The following CNTNAP5 variants were observed in gnomAD, a reference collection of about 807,000 sequenced individuals.
The protein encoded by CNTNAP5 is contactin-associated protein-like 5.
A neutral mutation model predicts 150.2 loss-of-function variants in CNTNAP5; 72 were observed. The observed-to-expected ratio is 0.48, with a 90% CI of 0.40 to 0.58. CNTNAP5 has a LOEUF of 0.58. CNTNAP5 is among the 20% of genes least tolerant of loss of function. The probability of loss-of-function intolerance (pLI) is 0.00; values close to 1 mark genes in which losing one functional copy is unlikely to be tolerated. For synonymous variants in CNTNAP5, 672 were observed against 619.8 expected (o/e 1.08, Z -1.25); for missense variants, 1,636 against 1,626.2 (o/e 1.01, Z -0.10).
At chr2:124,558,397 G>T (rs1489276181) in intron 10 of CNTNAP5, among the ~76,000 whole-genome samples, 1 of 76,440 alleles carries the variant, frequency 1.3e-5, no homozygotes, top group Non-Finnish European at 2.9e-5. Context: ...GGTAAAGCAG[G>T]TGGTGGGGGC....
chr2:124,510,347 C>CT, intron 8 of CNTNAP5, among the ~76,000 whole-genome samples: 2 of 28,542 alleles, frequency 7.0e-5, no homozygotes, highest in African/African-American at 2.9e-4. Context: ...CTCCATATGT[C>CT]AACACACACA....
chr2:124,887,923 T>G (rs918773882), intron 21 of CNTNAP5, among the ~76,000 whole-genome samples: 1 of 152,100 alleles, frequency 6.6e-6, no homozygotes, highest in Non-Finnish European at 1.5e-5. Context: ...ATCAATGATT[T>G]TTTTTAAAGA....
chr2:124,674,528 T>TTCC (rs2105061341), intron 13 of CNTNAP5, among the ~76,000 whole-genome samples: 1 of 138,140 alleles, frequency 7.2e-6, no homozygotes, highest in African/African-American at 2.8e-5. Flanking sequence ...TCTTTCTTTC[T>TTCC]TTCTTTCTTT....
chr2:124,205,287 C>T (rs1685833711), intron 1 of CNTNAP5, among the ~76,000 whole-genome samples: 1 of 152,146 alleles, frequency 6.6e-6, no homozygotes, highest in South Asian at 2.1e-4. Flanking sequence ...GGCATTTCCC[C>T]TGCTTGCACT....
intron 13 of CNTNAP5, among the ~76,000 whole-genome samples, chr2:124,721,524 T>TAAA (rs1680049416): frequency 9.1e-6 from 1 of 110,118 alleles, no homozygotes; most frequent in Non-Finnish European, 2.0e-5. Context: ...TAAATAAATA[T>TAAA]TAAAAAAACA....
intron 10 of CNTNAP5, among the ~76,000 whole-genome samples, chr2:124,544,384 C>A (rs1417470728): frequency 6.6e-6 from 1 of 152,114 alleles, no homozygotes; most frequent in African/African-American, 2.4e-5. Flanking sequence ...AAGAAAGAAG[C>A]CCATTCTGTG....
intron 1 of CNTNAP5, among the ~76,000 whole-genome samples, chr2:124,210,762 T>C (rs1309731828): frequency 1.3e-5 from 2 of 152,228 alleles, no homozygotes; most frequent in East Asian, 3.8e-4. Flanking sequence ...TTTTGATTCC[T>C]ACTGCCTGTA....
chr2:124,773,864 T>C (rs1355796240), intron 17 of CNTNAP5, among the ~76,000 whole-genome samples: 2 of 151,554 alleles, frequency 1.3e-5, no homozygotes, highest in Non-Finnish European at 2.9e-5. Flanking sequence ...TGGCATTTTG[T>C]TTCCCTTGAC....
chr2:124,721,623 A>G (rs906631620), intron 13 of CNTNAP5, among the ~76,000 whole-genome samples: 6 of 152,120 alleles, frequency 3.9e-5, no homozygotes, highest in Non-Finnish European at 8.8e-5. Context: ...GCAGGTTCTG[A>G]AAACAAACCA....
chr2:124,584,489 G>C (rs1005042606), intron 11 of CNTNAP5, among the ~76,000 whole-genome samples: 2 of 152,134 alleles, frequency 1.3e-5, no homozygotes, highest in African/African-American at 4.8e-5. Flanking sequence ...TCTAAGTGTA[G>C]CTCATGGCAT....
At chr2:124,479,241 G>A (rs1374896413) in intron 7 of CNTNAP5, among the ~76,000 whole-genome samples, 1 of 152,092 alleles carries the variant, frequency 6.6e-6, no homozygotes, top group African/African-American at 2.4e-5. Flanking sequence ...TATTATATAT[G>A]TAGTATAAGA....
At chr2:124,262,872 TC>T (rs1687494639) in intron 3 of CNTNAP5, among the ~76,000 whole-genome samples, 1 of 145,608 alleles carries the variant, frequency 6.9e-6, no homozygotes, top group South Asian at 2.2e-4. Flanking sequence ...ATTGTTCAAT[TC>T]CCACCTATGA....
At chr2:124,545,344 G>A (rs906159800) in intron 10 of CNTNAP5, among the ~76,000 whole-genome samples, 14 of 152,004 alleles carry the variant, frequency 9.2e-5, no homozygotes, top group African/African-American at 3.1e-4. Flanking sequence ...TTTCTAGGGT[G>A]GGTTTAGATT....
intron 19 of CNTNAP5, among the ~76,000 whole-genome samples, chr2:124,825,806 T>C (rs1471780598): frequency 6.6e-6 from 1 of 152,184 alleles, no homozygotes; most frequent in Admixed American, 6.6e-5. Context: ...GGCATGACGA[T>C]GATCCCATCC....
At chr2:124,458,952 C>T (rs1398691510) in intron 6 of CNTNAP5, among the ~76,000 whole-genome samples, 1 of 152,136 alleles carries the variant, frequency 6.6e-6, no homozygotes, top group Non-Finnish European at 1.5e-5. Flanking sequence ...ATTTTATACA[C>T]TGTTGATGGC....
chr2:124,132,456 G>A (rs1033617542), intron 1 of CNTNAP5, among the ~76,000 whole-genome samples: 1 of 152,196 alleles, frequency 6.6e-6, no homozygotes, highest in East Asian at 1.9e-4. Context: ...CCATTAATCT[G>A]GTTGTATTAT....
chr2:124,760,014 T>C (rs1319918198), intron 14 of CNTNAP5, among the ~76,000 whole-genome samples: 1 of 144,214 alleles, frequency 6.9e-6, no homozygotes, highest in Non-Finnish European at 1.5e-5. Flanking sequence ...AATTGCTCCT[T>C]AAACAAAGCT....
chr2:124,787,006 T>A (rs917083225), intron 17 of CNTNAP5, among the ~76,000 whole-genome samples: 1 of 152,178 alleles, frequency 6.6e-6, no homozygotes, highest in Non-Finnish European at 1.5e-5. Flanking sequence ...TCCCCCAGAT[T>A]TGTGTCACTA....
chr2:124,830,094 T>C (rs1364793189), intron 19 of CNTNAP5, among the ~76,000 whole-genome samples: 3 of 151,980 alleles, frequency 2.0e-5, no homozygotes, highest in East Asian at 3.9e-4. Flanking sequence ...GGAAAGAGGA[T>C]CTAGATTATT....
Sources: allele counts gnomAD v4.1 joint callset (sites outside exome capture counted in the v4.1 genomes callset), GRCh38; gene constraint gnomAD v4.1.1; transcripts MANE v1.5; gene names NCBI Gene and HGNC (gene_info 2026-07-23, HGNC 2026-07-21).